LAMA1: variants seen among roughly 807,000 people sequenced by gnomAD.
LAMA1 encodes laminin subunit alpha-1.
Under a neutral mutation model 348.7 loss-of-function variants are expected in LAMA1, and 219 were observed. The observed-to-expected ratio is 0.63, with a 90% CI of 0.56 to 0.70. The LOEUF is 0.70. LAMA1 is among the 30% of genes least tolerant of loss of function. LAMA1 has a pLI of 0.00. For missense variants in LAMA1, 3,744 were observed against 3,888.0 expected (o/e 0.96, Z 0.99); for synonymous variants, 1,487 against 1,491.0 (o/e 1.00, Z 0.06).
chr18:7,015,591 T>G (rs1302739125), intron 22 of LAMA1, 131 bp downstream of exon 22: 20 of 1,215,622 alleles, frequency 1.6e-5, no homozygotes, highest in Admixed American at 1.5e-4. Context: ...ACATTGAGTT[T>G]TTTTTTTTTT....
In LAMA1 at chr18:6,958,479, C is replaced by T. The variant is rs1253735994; in HGVS notation, c.7962G>A (p.Leu2654=). 6.2e-7 allele frequency: 1 copy of T among 1,614,122 alleles called. No individual in the cohort carries two copies. Among genetic ancestry groups the T allele is most frequent in the East Asian group, 2.2e-5 (1 of 44,874 alleles). ...HGCIKNLIFN[L]ELLDFNSAVG... ...ATGCAGAGAGCAGGTACACTTACTC[C>T]AAATTGAAGATCAGGTTTTTGATAC... The change falls in exon 55 of 63, where the codon TTG becomes TTA. Residue 2654 remains leucine (L), a splice_region_variant and synonymous_variant. Transcript: ENST00000389658.
intron 60 of LAMA1, 31 bp from the exon 61 acceptor site, chr18:6,947,327 G>C: frequency 6.2e-7 from 1 of 1,612,668 alleles, no homozygotes; most frequent in Non-Finnish European, 8.5e-7. Context: ...CCAAGTCAGG[G>C]TGAGCGCTGC....
chr18:6,951,898 C>T (rs1203157956), intron 57 of LAMA1, among the ~76,000 whole-genome samples: 10 of 152,184 alleles, frequency 6.6e-5, no homozygotes, highest in Non-Finnish European at 1.0e-4. Flanking sequence ...CCCGCGGCAA[C>T]GGCAAAGAGC....
At chr18:7,047,492 A>G (rs538361922) in intron 5 of LAMA1, among the ~76,000 whole-genome samples, 1 of 152,356 alleles carries the variant, frequency 6.6e-6, no homozygotes, top group South Asian at 2.1e-4. Context: ...ACATTGTTAA[A>G]ATGTCTTATA....
Position 7,080,403 on chromosome 18 carries a change from G to A in LAMA1, c.116C>T (p.Ala39Val), listed in dbSNP as rs762792039. The part of the protein sequence containing the change: ...LASNAHISTN[A>V]TCGEKGPEMF... Reference sequence around the variant, plus strand: ...CTCCGGCCCCTTCTCGCCACAGGTGGCATTGGTGCTGATGTGAGCATTGCT... The same window carrying A: ...CTCCGGCCCCTTCTCGCCACAGGTGACATTGGTGCTGATGTGAGCATTGCT... The change falls in exon 2 of 63, where the codon GCC (alanine) becomes GTC (valine). Residue 39 changes from alanine (A) to valine (V), a missense_variant. Transcript: ENST00000389658. 20 of 1,614,150 alleles carry A rather than the reference G, an allele frequency of 1.2e-5. No individual in the cohort carries two copies. Among genetic ancestry groups the A allele is most frequent in the Non-Finnish European group, 1.7e-5 (20 of 1,180,058 alleles).
chr18:7,114,076 CAA>C (rs4012960), intron 1 of LAMA1, among the ~76,000 whole-genome samples: 12 of 115,334 alleles, frequency 1.0e-4, no homozygotes, highest in Non-Finnish European at 1.1e-4. Flanking sequence ...GACTCCGTCT[CAA>C]AAAAAAAAAA....
At position 7,009,155 on chromosome 18, in the gene LAMA1, G is replaced by A. The variant is rs572857974; in HGVS notation, c.4001+84C>T. 47 of 1,417,262 alleles carry A rather than the reference G, an allele frequency of 3.3e-5. No individual in the cohort carries two copies. The African/African-American group carries it at 5.2e-4, about 16-fold the overall frequency. The allele number at this position is 1,417,262 out of a possible 1,614,324, so 87.8% of individuals were successfully genotyped here. On this transcript the variant is annotated intron_variant, in intron 27 of 62. Coordinates refer to ENST00000389658, the MANE Select transcript of LAMA1 (RefSeq NM_005559.4). ...CTACATGGATTAATAAAAATAGTAGGTAATGGAAGTGAAGTGAGTCAAATT... is the reference window on the plus strand; with the variant it reads ...CTACATGGATTAATAAAAATAGTAGATAATGGAAGTGAAGTGAGTCAAATT...
intron 16 of LAMA1, among the ~76,000 whole-genome samples, 165 bp from the exon 17 acceptor site, chr18:7,026,271 C>T (rs551978941): frequency 1.2e-4 from 19 of 152,288 alleles, no homozygotes; most frequent in Non-Finnish European, 2.1e-4. Flanking sequence ...AGATTAATAT[C>T]AGCAAGTGTA....
At chr18:7,026,386 C>T (rs1252847217) in intron 16 of LAMA1, among the ~76,000 whole-genome samples, 2 of 152,212 alleles carry the variant, frequency 1.3e-5, no homozygotes, top group African/African-American at 4.8e-5. Context: ...GCAAGTGCTG[C>T]TTCGGCCAGA....
intron 26 of LAMA1, 104 bp downstream of exon 26, chr18:7,010,096 C>G: frequency 7.4e-7 from 1 of 1,352,694 alleles, no homozygotes; most frequent in Non-Finnish European, 1.0e-6. Flanking sequence ...TGTGAGCCAC[C>G]GTACCTGGCT....
rs200288446 is a variant in LAMA1, at chr18:6,947,235, C to G, written c.8772G>C (p.Ser2924=). 2 of 1,614,128 alleles carry G rather than the reference C, an allele frequency of 1.2e-6. No homozygotes were observed. The highest frequency in any genetic ancestry group is 1.7e-5 in the Admixed American group (1 of 60,022). ...TGATCCCCAGGAGGACGCCATTCTG[C>G]GAGGAGGTTCGAAACTCCAGTGTGA... ...VNITLEFRTS[S]QNGVLLGIST... Residue 2924 remains serine (S), a synonymous_variant, in exon 61 of 63, where the codon TCG becomes TCC. Transcript: ENST00000389658.
intron 3 of LAMA1, among the ~76,000 whole-genome samples, chr18:7,053,558 G>A (rs1219051807): frequency 1.3e-5 from 2 of 150,156 alleles, no homozygotes; most frequent in Admixed American, 6.6e-5. Flanking sequence ...AAACTGGGGG[G>A]AAAAAAAAAT....
intron 1 of LAMA1, among the ~76,000 whole-genome samples, chr18:7,113,102 A>G (rs2058342216): frequency 1.3e-5 from 2 of 152,216 alleles, no homozygotes; most frequent in South Asian, 2.1e-4. Flanking sequence ...GGTGAGCCAG[A>G]TAAGTCATTG....
At chr18:6,996,987 G>T (rs2057784027) in intron 33 of LAMA1, among the ~76,000 whole-genome samples, 1 of 152,118 alleles carries the variant, frequency 6.6e-6, no homozygotes. Flanking sequence ...GTGCAGTGAA[G>T]AATAATACAC....
At chr18:7,049,446 T>C (rs963714431) in intron 4 of LAMA1, among the ~76,000 whole-genome samples, 189 bp from the exon 5 acceptor site, 1 of 152,090 alleles carries the variant, frequency 6.6e-6, no homozygotes, top group Non-Finnish European at 1.5e-5. Flanking sequence ...ACTATAGGTG[T>C]GCACCACCAC....
At chr18:6,982,998 A>G (rs1600371058) in intron 40 of LAMA1, 101 bp downstream of exon 40, 1 of 1,457,442 alleles carries the variant, frequency 6.9e-7, no homozygotes, top group African/African-American at 1.4e-5. Flanking sequence ...ACCAGAAAAG[A>G]ATGTTAATAG....
chr18:7,080,529 G>C (rs1165672436), intron 1 of LAMA1, 72 bp from the exon 2 acceptor site: 2 of 1,490,268 alleles, frequency 1.3e-6, no homozygotes, highest in South Asian at 1.2e-5. Context: ...CATCCCACTT[G>C]GTAGGTGAAT....
In LAMA1 at chr18:6,980,637, C is replaced by A; in HGVS notation, c.5891G>T (p.Gly1964Val). 1.3e-6 allele frequency: 2 copies of A among 1,580,262 alleles called. No individual in the cohort carries two copies. The highest frequency in any genetic ancestry group is 8.7e-7 in the Non-Finnish European group (1 of 1,149,956). The part of the protein sequence containing the change: ...EGNNLSRKLP[G>V]IALELSELRN... ...CAATTCACTCAGTTCCAATGCAATA[C>A]CTATTTAAAGGGAGAAAAATGTTTC... is the stretch of plus-strand genomic sequence containing the variant. The change falls in exon 42 of 63, where the codon GGT becomes GTT. Residue 1964 changes from glycine (G) to valine (V), a missense_variant and splice_region_variant. By Grantham distance (109) the Gly-to-Val change is moderately radical. This residue lies in a region of LAMA1 where 1,983 missense variants were observed against 1,934.3 expected (regional missense o/e 1.03). Transcript: ENST00000389658.
intron 3 of LAMA1, 87 bp from the exon 4 acceptor site, chr18:7,051,023 G>C (rs991026293): frequency 6.6e-7 from 1 of 1,519,556 alleles, no homozygotes; most frequent in African/African-American, 1.4e-5. Flanking sequence ...TAACTTAAAG[G>C]TAGAATCTAA....
Sources: allele counts gnomAD v4.1 joint callset (sites outside exome capture counted in the v4.1 genomes callset), GRCh38; gene constraint gnomAD v4.1.1; regional missense constraint gnomAD v4.1.1; transcripts MANE v1.5; gene names NCBI Gene and HGNC (gene_info 2026-07-23, HGNC 2026-07-21).